MAP3K4: variants seen among roughly 807,000 people sequenced by gnomAD.
MAP3K4 encodes MAP three kinase 1.
In MAP3K4, 67 loss-of-function variants were observed where a neutral mutation model predicts 185.6. The ratio of observed to expected loss-of-function variants is 0.36; its 90% CI spans 0.30 to 0.44. MAP3K4 has a LOEUF of 0.44. MAP3K4 is among the 20% of genes least tolerant of loss of function. The pLI, the probability that MAP3K4 is intolerant of heterozygous loss-of-function variation, is 1.00. For synonymous variants in MAP3K4, 702 were observed against 710.4 expected (o/e 0.99, Z 0.19); for missense variants, 1,551 against 1,995.1 (o/e 0.78, Z 4.24).
At chr6:161,105,146 A>G (rs76934623) in intron 19 of MAP3K4, among the ~76,000 whole-genome samples, 2,052 of 152,344 alleles carry the variant, frequency 0.013, 43 homozygotes, top group African/African-American at 0.047. Flanking sequence ...AAAAAAGAAC[A>G]GGATGAAATC....
intron 2 of MAP3K4, among the ~76,000 whole-genome samples, chr6:161,040,547 C>T (rs527696101): frequency 1.1e-3 from 175 of 152,286 alleles, no homozygotes; most frequent in Non-Finnish European, 2.3e-3. Context: ...TCATCAGATT[C>T]GCAAATGTAG....
At chr6:161,068,532 T>C (rs1784801550) in intron 3 of MAP3K4, among the ~76,000 whole-genome samples, 1 of 151,952 alleles carries the variant, frequency 6.6e-6, no homozygotes, top group South Asian at 2.1e-4. Flanking sequence ...TGTCTGACAC[T>C]TAGGGCTGTC....
At chr6:161,020,517 G>A (rs1782331049) in intron 1 of MAP3K4, among the ~76,000 whole-genome samples, 1 of 152,040 alleles carries the variant, frequency 6.6e-6, no homozygotes, top group Admixed American at 6.5e-5. Flanking sequence ...TATTAGCTGG[G>A]CGTGGTAGTG....
At chr6:161,014,050 T>C (rs73024033) in intron 1 of MAP3K4, among the ~76,000 whole-genome samples, 4,122 of 152,356 alleles carry the variant, frequency 0.027, 125 homozygotes, top group African/African-American at 0.072. Flanking sequence ...GTAGGTTTTA[T>C]GTATTTTGTA....
chr6:161,026,235 A>G (rs1353561545), intron 1 of MAP3K4, among the ~76,000 whole-genome samples: 6 of 151,510 alleles, frequency 4.0e-5, no homozygotes, highest in African/African-American at 9.7e-5. Flanking sequence ...GGTTCATGCC[A>G]TTCTCCTGCC....
Position 161,074,910 on chromosome 6 carries a change from A to T in MAP3K4, c.2097+1298A>T, listed in dbSNP as rs761506340. Reference sequence around the variant, plus strand: ...CAATAGGAGCTCTCCTGGCAACCCCACCCAGCACATTTCCCCTGCCTTTTG... The same window carrying T: ...CAATAGGAGCTCTCCTGGCAACCCCTCCCAGCACATTTCCCCTGCCTTTTG... On this transcript the variant is annotated intron_variant, in intron 5 of 26. Coordinates refer to ENST00000392142, the MANE Select transcript of MAP3K4 (RefSeq NM_005922.4). The surrounding 1 kb of genome is among the most constrained non-coding windows in gnomAD (Gnocchi z 5.0). Among the ~76,000 whole-genome samples the T allele has an allele frequency of 2.0e-4, 30 of 152,176 alleles. No homozygotes were observed. Among genetic ancestry groups the T allele is most frequent in the Middle Eastern group, 3.4e-3 (1 of 294 alleles).
intron 1 of MAP3K4, among the ~76,000 whole-genome samples, chr6:161,010,202 C>T (rs1164837477): frequency 6.6e-6 from 1 of 152,072 alleles, no homozygotes; most frequent in African/African-American, 2.4e-5. Context: ...TTCCATTTAT[C>T]CCCGAAGTGC....
At chr6:161,025,795 G>A (rs1011403741) in intron 1 of MAP3K4, among the ~76,000 whole-genome samples, 3 of 152,046 alleles carry the variant, frequency 2.0e-5, no homozygotes, top group African/African-American at 4.8e-5. Flanking sequence ...AGTTTTAAAC[G>A]TTTTTCTTGT....
chr6:161,044,837 G>A (rs1013848805), intron 2 of MAP3K4, among the ~76,000 whole-genome samples: 3 of 152,168 alleles, frequency 2.0e-5, no homozygotes, highest in African/African-American at 7.2e-5. Flanking sequence ...TGGAGAGAGA[G>A]GGAACAAGAG....
chr6:161,024,546 C>G (rs1323426039), intron 1 of MAP3K4, among the ~76,000 whole-genome samples: 1 of 152,130 alleles, frequency 6.6e-6, no homozygotes, highest in African/African-American at 2.4e-5. Context: ...GTTTCTCACA[C>G]TTTGTTTTTG....
intron 1 of MAP3K4, among the ~76,000 whole-genome samples, chr6:161,023,943 TG>T (rs1316306648): frequency 6.6e-6 from 1 of 152,214 alleles, no homozygotes; most frequent in Non-Finnish European, 1.5e-5. Context: ...CTTTTAATTT[TG>T]GAATAGCTTA....
intron 13 of MAP3K4, among the ~76,000 whole-genome samples, chr6:161,092,482 G>A (rs994646201): frequency 2.6e-5 from 4 of 152,060 alleles, no homozygotes; most frequent in African/African-American, 7.2e-5. Context: ...TGGGTGAATC[G>A]TCTGTGAGGC....
chr6:161,047,706 A>G (rs1783799758), intron 2 of MAP3K4, among the ~76,000 whole-genome samples: 2 of 152,214 alleles, frequency 1.3e-5, no homozygotes, highest in Non-Finnish European at 2.9e-5. Context: ...GAGGTATTTG[A>G]AAAGAAGGGA....
intron 3 of MAP3K4, among the ~76,000 whole-genome samples, chr6:161,065,928 A>G (rs1382245570): frequency 1.8e-5 from 1 of 57,078 alleles, no homozygotes; most frequent in Admixed American, 3.0e-4. Context: ...AAAGAGCAAG[A>G]CTCCGTCTCA....
At chr6:161,021,778 G>A (rs951692302) in intron 1 of MAP3K4, among the ~76,000 whole-genome samples, 2 of 152,168 alleles carry the variant, frequency 1.3e-5, no homozygotes, top group Non-Finnish European at 2.9e-5. Flanking sequence ...CTCTTGTCTG[G>A]TGGGGTCATT....
rs78887886 is a variant in MAP3K4 at position 160,998,461 on chromosome 6, G to A, written c.152+6378G>A. Among the ~76,000 whole-genome samples the A allele has an allele frequency of 3.6e-3, 551 of 152,144 alleles. 1 individual carries two copies. The highest frequency in any genetic ancestry group is 0.013 in the African/African-American group (530 of 41,506). Reference sequence around the variant, plus strand: ...CATTTATAATTTTAAGTTTCTTTACGTTGAATTGTTACTAAAATTGAAATT... The same window carrying A: ...CATTTATAATTTTAAGTTTCTTTACATTGAATTGTTACTAAAATTGAAATT... On this transcript the variant is annotated intron_variant, in intron 1 of 26. Transcript: ENST00000392142.
chr6:161,102,657 T>G lies in MAP3K4; in HGVS notation c.3776-42T>G, dbSNP rs1328534308. On this transcript the variant is annotated intron_variant, in intron 18 of 26. Transcript: ENST00000392142. ...TCAGTTGTTCTCAAATAAGCATATTTATTTCATAAATCTTAATTTGTATAA... is the reference window on the plus strand; with the variant it reads ...TCAGTTGTTCTCAAATAAGCATATTGATTTCATAAATCTTAATTTGTATAA... The G allele has an allele frequency of 2.3e-6, 3 of 1,320,006 alleles. No individual in the cohort carries two copies. The African/African-American group carries it at 4.5e-5, about 20-fold the overall frequency. The allele number at this position is 1,320,006 out of a possible 1,614,324, so 81.8% of individuals were successfully genotyped here.
chr6:161,042,029 C>CGGAG (rs1445366848), intron 2 of MAP3K4, among the ~76,000 whole-genome samples: 1 of 150,114 alleles, frequency 6.7e-6, no homozygotes, highest in Non-Finnish European at 1.5e-5. Context: ...AGTAGCTGAC[C>CGGAG]CTCCTGGTGC....
chr6:161,091,623 A>T lies in MAP3K4; in HGVS notation c.3135+83A>T. 1 of 1,169,484 alleles carries T rather than the reference A, an allele frequency of 8.6e-7. No individual in the cohort carries two copies. The highest frequency in any genetic ancestry group is 2.4e-5 in the East Asian group (1 of 42,216). 72.4% of individuals were successfully genotyped at this position (1,169,484 alleles called of 1,614,324 possible). On this transcript the variant is annotated intron_variant, in intron 12 of 26. Coordinates refer to ENST00000392142, the MANE Select transcript of MAP3K4 (RefSeq NM_005922.4). This position sits in a 1 kb window ranked among gnomAD's most constrained non-coding sequence, Gnocchi z 5.5. Reference sequence around the variant, plus strand: ...GAAAGTTTTTGGAACCTTTTACAGTAAATCTGATATTGTAATCATAGCTTA... The same window carrying T: ...GAAAGTTTTTGGAACCTTTTACAGTTAATCTGATATTGTAATCATAGCTTA...
Sources: allele counts gnomAD v4.1 joint callset (sites outside exome capture counted in the v4.1 genomes callset), GRCh38; gene constraint gnomAD v4.1.1; non-coding constraint Gnocchi (gnomAD v3.1); transcripts MANE v1.5; gene names NCBI Gene and HGNC (gene_info 2026-07-23, HGNC 2026-07-21).